Variants in IGF1R observed in about 807,000 individuals in gnomAD.
IGF1R encodes the protein insulin-like growth factor 1 receptor.
IGF1R carries 44 observed loss-of-function variants against 144.6 expected under a neutral mutation model. The ratio of observed to expected loss-of-function variants is 0.30; its 90% CI spans 0.24 to 0.39. The LOEUF (loss-of-function observed/expected upper bound fraction) is 0.39, where lower values mean the gene tolerates loss of function less well. IGF1R is among the 10% of genes least tolerant of loss of function. The probability of loss-of-function intolerance (pLI) is 1.00; values close to 1 mark genes in which losing one functional copy is unlikely to be tolerated. For synonymous variants in IGF1R, 795 were observed against 722.8 expected (o/e 1.10, Z -1.60); for missense variants, 1,355 against 1,833.7 (o/e 0.74, Z 4.77).
chr15:98,741,203 C>T (rs1449711489), intron 2 of IGF1R, among the ~76,000 whole-genome samples: 1 of 105,750 alleles, frequency 9.5e-6, no homozygotes, highest in African/African-American at 3.9e-5. Flanking sequence ...CATTGCAGTT[C>T]TGTTGATATG....
At chr15:98,837,193 C>T (rs1183390886) in intron 2 of IGF1R, among the ~76,000 whole-genome samples, 1 of 152,120 alleles carries the variant, frequency 6.6e-6, no homozygotes, top group African/African-American at 2.4e-5. Flanking sequence ...CTCAGTTTCC[C>T]AAGTAGCTAG....
chr15:98,924,917 G>A (rs767047276), intron 13 of IGF1R, among the ~76,000 whole-genome samples: 19 of 149,618 alleles, frequency 1.3e-4, no homozygotes, highest in South Asian at 2.2e-4. Context: ...GAGAGGATCC[G>A]AGCCTCTCCT....
intron 2 of IGF1R, among the ~76,000 whole-genome samples, chr15:98,815,414 T>C (rs1253301171): frequency 6.6e-6 from 1 of 152,218 alleles, no homozygotes; most frequent in African/African-American, 2.4e-5. Flanking sequence ...TGCCCATCCT[T>C]CTACAGTGGG....
intron 2 of IGF1R, among the ~76,000 whole-genome samples, chr15:98,768,911 G>C (rs2055510090): frequency 7.3e-6 from 1 of 137,514 alleles, no homozygotes; most frequent in African/African-American, 2.6e-5. Context: ...CTGGGTGACA[G>C]AGTGAGATTC....
chr15:98,649,030 CAGG>C lies in IGF1R; in HGVS notation c.-536_-534del, dbSNP rs139163109. The C allele has an allele frequency of 0.03, 6,351 of 209,606 alleles. 325 individuals are homozygous for C. The highest frequency in any genetic ancestry group is 0.12 in the African/African-American group (5,346 of 43,100). 13.0% of individuals were successfully genotyped at this position (209,606 alleles called of 1,614,324 possible). The stretch of plus-strand genomic sequence containing the variant: ...GGGAGGAGGCGGCGGCGAGCGGAGC[CAGG>C]AGGAGGAGGAGGAGGGGGAGCCGCT... On this transcript the variant is annotated 5_prime_UTR_variant, in exon 1 of 21. Transcript: ENST00000650285.
rs1267019181 is a variant in IGF1R at position 98,948,685 on chromosome 15, G to A, written c.3699G>A (p.Lys1233=). 2 of 1,614,184 alleles carry A rather than the reference G, an allele frequency of 1.2e-6. No homozygotes were observed. The highest frequency in any genetic ancestry group is 1.7e-6 in the Non-Finnish European group (2 of 1,180,030). ...RFVMEGGLLD[K]PDNCPDMLFE... is the part of the protein sequence containing the mutation. ...TCATGGAGGGCGGCCTTCTGGACAA[G>A]CCAGACAACTGTCCTGACATGCTGT... The change falls in exon 20 of 21, where the codon AAG becomes AAA. Residue 1233 remains lysine, a synonymous_variant. Coordinates refer to ENST00000650285, the MANE Select transcript of IGF1R (RefSeq NM_000875.5).
chr15:98,816,132 G>C (rs867429842), intron 2 of IGF1R, among the ~76,000 whole-genome samples: 15 of 151,930 alleles, frequency 9.9e-5, no homozygotes, highest in African/African-American at 3.6e-4. Context: ...CTCTTCTCTC[G>C]AACCTCAGAA....
intron 20 of IGF1R, among the ~76,000 whole-genome samples, chr15:98,953,312 C>T (rs547797646): frequency 4.6e-5 from 7 of 152,204 alleles, no homozygotes; most frequent in African/African-American, 1.7e-4. Flanking sequence ...GTGTCGAGGT[C>T]TGAGTCTCAA....
At chr15:98,780,284 C>G (rs986860228) in intron 2 of IGF1R, among the ~76,000 whole-genome samples, 2 of 151,926 alleles carry the variant, frequency 1.3e-5, no homozygotes, top group Non-Finnish European at 2.9e-5. Context: ...GGTGTGGTGG[C>G]TCACATCTGT....
At chr15:98,861,703 T>A (rs928575086) in intron 2 of IGF1R, among the ~76,000 whole-genome samples, 3 of 152,184 alleles carry the variant, frequency 2.0e-5, no homozygotes, top group African/African-American at 7.2e-5. Flanking sequence ...TTAGTCTCCT[T>A]TCTGTAAAAA....
intron 2 of IGF1R, among the ~76,000 whole-genome samples, chr15:98,772,625 C>T (rs2055616325): frequency 6.6e-6 from 1 of 151,520 alleles, no homozygotes; most frequent in Non-Finnish European, 1.5e-5. Flanking sequence ...GCCTCTCTAG[C>T]AGCTAGAACT....
At chr15:98,921,330 G>T (rs12906299) in intron 10 of IGF1R, among the ~76,000 whole-genome samples, 5 of 152,168 alleles carry the variant, frequency 3.3e-5, no homozygotes, top group South Asian at 4.1e-4. Context: ...TTAGAGGGTC[G>T]CACCCTCATG....
At chr15:98,752,787 T>C (rs1296437357) in intron 2 of IGF1R, among the ~76,000 whole-genome samples, 4 of 152,174 alleles carry the variant, frequency 2.6e-5, no homozygotes, top group Admixed American at 6.6e-5. Context: ...AAATTGACTT[T>C]GTTATTATAA....
In IGF1R at chr15:98,963,767, C is replaced by G; in HGVS notation, c.*6325C>G. 2 of 233,050 alleles carry G rather than the reference C, an allele frequency of 8.6e-6. No individual in the cohort carries two copies. Among genetic ancestry groups the G allele is most frequent in the African/African-American group, 4.4e-5 (2 of 45,442 alleles). The allele number at this position is 233,050 out of a possible 1,614,324, so 14.4% of individuals were successfully genotyped here. A position where few individuals can be genotyped will look rare whatever the true frequency, so the allele number is the denominator to read the frequency against. On this transcript the variant is annotated 3_prime_UTR_variant, in exon 21 of 21. Coordinates refer to ENST00000650285, the MANE Select transcript of IGF1R (RefSeq NM_000875.5). ...AGACCCTATTTTATTTAAGGCAGAA[C>G]CCCGAAGATACGTATTTCCAATACA...
chr15:98,696,474 A>T (rs947836507), intron 1 of IGF1R, among the ~76,000 whole-genome samples: 7 of 152,204 alleles, frequency 4.6e-5, no homozygotes, highest in Non-Finnish European at 1.0e-4. Flanking sequence ...AGATCTTAGC[A>T]AGGCATTGTA....
intron 2 of IGF1R, among the ~76,000 whole-genome samples, chr15:98,765,779 T>C (rs1847989859): frequency 6.6e-6 from 1 of 152,160 alleles, no homozygotes; most frequent in African/African-American, 2.4e-5. Context: ...TTGTAGAAAT[T>C]CTCCCCCATG....
At chr15:98,683,641 G>A (rs1317158807) in intron 1 of IGF1R, among the ~76,000 whole-genome samples, 1 of 152,180 alleles carries the variant, frequency 6.6e-6, no homozygotes, top group Non-Finnish European at 1.5e-5. Flanking sequence ...AATCAAGTCG[G>A]TATCCTCTTA....
At chr15:98,755,963 T>A (rs1296280808) in intron 2 of IGF1R, among the ~76,000 whole-genome samples, 3 of 152,128 alleles carry the variant, frequency 2.0e-5, no homozygotes, top group African/African-American at 7.2e-5. Context: ...TGTAATAAAT[T>A]ACGTTGATTA....
In IGF1R at chr15:98,875,121, G is replaced by GCTC. The variant is rs376335963; in HGVS notation, c.641-16202_641-16200dup. On this transcript the variant is annotated intron_variant, in intron 2 of 20. Transcript: ENST00000650285. ...GCCCTCTGGCCTGCCCAGGTCCTCG[G>GCTC]CTCCGGGACGAGGATGCTCCGGGAT... Among the ~76,000 whole-genome samples, 1,002 of 152,240 alleles carry GCTC rather than the reference G, an allele frequency of 6.6e-3. 24 individuals carry two copies. The highest frequency in any genetic ancestry group is 5.0e-3 in the Non-Finnish European group (339 of 68,018).
Sources: gnomAD v4.1 joint callset for allele counts (sites outside exome capture counted in the v4.1 genomes callset) on GRCh38, gnomAD v4.1.1 for gene constraint, MANE v1.5 for transcripts, NCBI Gene and HGNC (gene_info 2026-07-23, HGNC 2026-07-21) for gene names.